Variants in NOC3L observed in about 807,000 individuals in gnomAD.
NOC3L encodes the protein nucleolar complex protein 3 homolog.
NOC3L carries 85 observed loss-of-function variants against 102.5 expected under a neutral mutation model. The ratio of observed to expected loss-of-function variants is 0.83; its 90% confidence interval spans 0.70 to 0.99. The LOEUF (loss-of-function observed/expected upper bound fraction) is 0.99, where lower values mean the gene tolerates loss of function less well. Among genes scored for constraint, NOC3L ranks in the 50% least tolerant of loss-of-function variants. The probability of loss-of-function intolerance (pLI) is 0.00; values close to 1 mark genes in which losing one functional copy is unlikely to be tolerated. For synonymous variants in NOC3L, 303 were observed against 309.4 expected (o/e 0.98, Z 0.22); for missense variants, 878 against 914.9 (o/e 0.96, Z 0.52).
At chr10:94,355,761 C>T (rs1398138004) in intron 5 of NOC3L, among the ~76,000 whole-genome samples, 5 of 151,894 alleles carry the variant, frequency 3.3e-5, no homozygotes, top group African/African-American at 1.2e-4. Flanking sequence ...TAGGATAATC[C>T]TATTTAGTTT....
downstream of NOC3L, chr10:94,329,282 T>C (rs2054128516): frequency 6.6e-6 from 1 of 152,240 alleles, no homozygotes; most frequent in African/African-American, 2.4e-5. Flanking sequence ...AAGCAAATTA[T>C]GAATTTTAAA....
Position 94,356,582 on chromosome 10 carries a change from CTATCAG to C in NOC3L, c.512_517del (p.Thr171_Asp172del). ...TTCTTGATCCTCTTCATCTTTGTTA[CTATCAG>C]TAACTATATGGAAAACATATGTATT... On this transcript the variant is annotated inframe_deletion, in exon 5 of 21. Coordinates refer to ENST00000371361, the MANE Select transcript of NOC3L (RefSeq NM_022451.11). 2 of 1,552,390 alleles carry C rather than the reference CTATCAG, an allele frequency of 1.3e-6. No homozygotes were observed. Among genetic ancestry groups the C allele is most frequent in the Non-Finnish European group, 1.8e-6 (2 of 1,125,312 alleles).
In NOC3L at chr10:94,344,809, A is replaced by T. The variant is rs75316370; in HGVS notation, c.1470+44T>A. On this transcript the variant is annotated intron_variant, in intron 12 of 20. Coordinates refer to ENST00000371361, the MANE Select transcript of NOC3L (RefSeq NM_022451.11). Reference sequence around the variant, plus strand: ...AAACAATAAATTTCTAGTTTAAACAACTTAACGCATTTTAAAAGCATAACA... The same window carrying T: ...AAACAATAAATTTCTAGTTTAAACATCTTAACGCATTTTAAAAGCATAACA... The T allele has an allele frequency of 4.0e-4, 579 of 1,437,852 alleles. No homozygotes were observed. The African/African-American group carries it at 7.1e-3, about 18-fold the overall frequency. 89.1% of individuals were successfully genotyped at this position (1,437,852 alleles called of 1,614,324 possible). A position where few individuals can be genotyped will look rare whatever the true frequency, so the allele number is the denominator to read the frequency against.
At position 94,362,553 on chromosome 10, in the gene NOC3L, G is replaced by GA. The variant is rs761169967; in HGVS notation, c.9+276dup. ...GGGTAGGACCCTGCTTCTCATTTGT[G>GA]AAAAACGAGTTCGAAAGACGGTCTT... is the stretch of plus-strand genomic sequence containing the variant. On this transcript the variant is annotated intron_variant, in intron 1 of 20. Coordinates refer to ENST00000371361, the MANE Select transcript of NOC3L (RefSeq NM_022451.11). 7.0e-4 allele frequency among the ~76,000 whole-genome samples: 106 copies of GA among 152,126 alleles called. 1 individual carries two copies. Among genetic ancestry groups the GA allele is most frequent in the Non-Finnish European group, 1.1e-3 (73 of 68,024 alleles).
At chr10:94,357,084 C>T in intron 4 of NOC3L, 90 bp downstream of exon 4, 1 of 1,017,590 alleles carries the variant, frequency 9.8e-7, no homozygotes, top group Non-Finnish European at 1.4e-6. Context: ...TGGGTAAAAT[C>T]AAAGTAAAAT....
In NOC3L at chr10:94,334,320, A is replaced by G. The variant is rs775220149; in HGVS notation, c.2275-15T>C. 6.5e-6 allele frequency: 10 copies of G among 1,530,140 alleles called. No individual in the cohort carries two copies. Among genetic ancestry groups the G allele is most frequent in the Admixed American group, 5.1e-5 (3 of 58,792 alleles). The allele number at this position is 1,530,140 out of a possible 1,614,324, so 94.8% of individuals were successfully genotyped here. ...AAAAATTTACCCTAGGAAAATATTT[A>G]AAGTATGAGTTAGAAGTTACTTATG... On this transcript the variant is annotated splice_polypyrimidine_tract_variant and intron_variant, in intron 20 of 20. Coordinates refer to ENST00000371361, the MANE Select transcript of NOC3L (RefSeq NM_022451.11).
Position 94,361,884 on chromosome 10 carries a change from C to A in NOC3L, c.10-12G>T. ...TTTTTATTTCTTCTCTAGAAAATAA[C>A]AGAAAGAATACTGCATACCCAGAAA... On this transcript the variant is annotated splice_polypyrimidine_tract_variant and intron_variant, in intron 1 of 20. Coordinates refer to ENST00000371361, the MANE Select transcript of NOC3L (RefSeq NM_022451.11). 6.3e-7 allele frequency: 1 copy of A among 1,575,564 alleles called. No homozygotes were observed. Among genetic ancestry groups the A allele is most frequent in the Non-Finnish European group, 8.7e-7 (1 of 1,149,284 alleles).
downstream of NOC3L, chr10:94,331,307 T>C (rs556441369): frequency 6.6e-6 from 1 of 152,310 alleles, no homozygotes; most frequent in Admixed American, 6.5e-5. Flanking sequence ...TATGTATCAA[T>C]TTACCTTTTG....
the NOC3L span, chr10:94,324,380 T>A: frequency 6.2e-7 from 1 of 1,614,158 alleles, no homozygotes; most frequent in Non-Finnish European, 8.5e-7. Context: ...TCCTACAGCA[T>A]CCTGAGCAAC....
downstream of NOC3L, chr10:94,332,043 T>C (rs2054164752): frequency 6.6e-6 from 1 of 152,080 alleles, no homozygotes; most frequent in East Asian, 1.9e-4. Flanking sequence ...TAATTTTTTT[T>C]ATTTTCAGTA....
In NOC3L at chr10:94,361,884, CAGAA is replaced by C. The variant is rs1221757470; in HGVS notation, c.10-16_10-13del. The C allele has an allele frequency of 6.3e-6, 10 of 1,575,446 alleles. No homozygotes were observed. The highest frequency in any genetic ancestry group is 8.7e-6 in the Non-Finnish European group (10 of 1,149,292). On this transcript the variant is annotated splice_polypyrimidine_tract_variant and intron_variant, in intron 1 of 20. Coordinates refer to ENST00000371361, the MANE Select transcript of NOC3L (RefSeq NM_022451.11). The stretch of plus-strand genomic sequence containing the variant: ...TTTTTATTTCTTCTCTAGAAAATAA[CAGAA>C]AGAATACTGCATACCCAGAAACTTA...
At chr10:94,353,375 G>T (rs980132393) in intron 6 of NOC3L, among the ~76,000 whole-genome samples, 8 of 152,224 alleles carry the variant, frequency 5.3e-5, no homozygotes, top group Non-Finnish European at 1.0e-4. Context: ...TACTCCTGGT[G>T]AGGCCTCAGG....
chr10:94,340,581 G>T, intron 14 of NOC3L, 85 bp from the exon 15 acceptor site: 3 of 1,172,836 alleles, frequency 2.6e-6, no homozygotes, highest in African/African-American at 1.6e-5. Flanking sequence ...GAACTTTAAG[G>T]CCAGGAGCAA....
chr10:94,344,909 CTA>C lies in NOC3L; in HGVS notation c.1412_1413del (p.Leu471ArgfsTer14). 1.9e-6 allele frequency: 3 copies of C among 1,610,578 alleles called. No individual in the cohort carries two copies. The Admixed American group carries it at 5.0e-5, about 27-fold the overall frequency. On this transcript the variant is annotated frameshift_variant, in exon 12 of 21. Coordinates refer to ENST00000371361, the MANE Select transcript of NOC3L (RefSeq NM_022451.11). LOFTEE classifies it high-confidence loss of function. ...GCTTCTGCCTCTCGAAGCTCTCGCT[CTA>C]GTTTCTCTTCTGCTTTCTTCCACTG... ...QRKWKKAEEK[L>X]ERELREAEAS... is the part of the protein sequence containing the mutation.
At chr10:94,316,726 G>A in the NOC3L span, 9 of 1,613,930 alleles carry the variant, frequency 5.6e-6, no homozygotes, top group African/African-American at 1.2e-4. Context: ...AGGGATACAT[G>A]GGCAGGATTG....
chr10:94,344,392 A>T, intron 13 of NOC3L, 23 bp downstream of exon 13: 1 of 1,521,518 alleles, frequency 6.6e-7, no homozygotes, highest in Non-Finnish European at 9.0e-7. Context: ...AATCTAAAAG[A>T]TTTCAACCTA....
rs1564912287 is a variant in NOC3L at position 94,344,973 on chromosome 10, C to A, written c.1390-40G>T. 1.7e-5 allele frequency: 24 copies of A among 1,441,066 alleles called. No homozygotes were observed. In the Admixed American group the frequency reaches 4.7e-4, roughly 28 times the overall value. The allele number at this position is 1,441,066 out of a possible 1,614,324, so 89.3% of individuals were successfully genotyped here. The stretch of plus-strand genomic sequence containing the variant: ...AAAAACAAAAATCTAAGAGCATATA[C>A]CACAGAGTGAAAAAAGCAGAGGCAG... On this transcript the variant is annotated intron_variant, in intron 11 of 20. Coordinates refer to ENST00000371361, the MANE Select transcript of NOC3L (RefSeq NM_022451.11).
At chr10:94,337,022 T>C (rs1006175368) in intron 19 of NOC3L, among the ~76,000 whole-genome samples, 8 of 150,822 alleles carry the variant, frequency 5.3e-5, no homozygotes, top group Non-Finnish European at 1.0e-4. Context: ...TGAGCCGAAA[T>C]TGCGCCATTG....
rs1048822700 is a variant in NOC3L at position 94,333,965 on chromosome 10, G to GA, written c.*211dup. 47 of 348,382 alleles carry GA rather than the reference G, an allele frequency of 1.3e-4. No individual in the cohort carries two copies. The highest frequency in any genetic ancestry group is 8.8e-4 in the African/African-American group (42 of 47,502). The allele number at this position is 348,382 out of a possible 1,614,324, so 21.6% of individuals were successfully genotyped here. On this transcript the variant is annotated 3_prime_UTR_variant, in exon 21 of 21. Transcript: ENST00000371361. ...GAAAGTAATTTCCAAATACTGGGGA[G>GA]AAAAAAAGGCTTTTGATCTCCTTGA...
Sources: allele counts gnomAD v4.1 joint callset (sites outside exome capture counted in the v4.1 genomes callset), GRCh38; gene constraint gnomAD v4.1.1; transcripts MANE v1.5; gene names NCBI Gene and HGNC (gene_info 2026-07-23, HGNC 2026-07-21).